Variants in ATRNL1 observed in about 807,000 individuals in gnomAD.
ATRNL1 encodes the protein attractin-like protein 1.
In ATRNL1, 95 loss-of-function variants were observed where a neutral mutation model predicts 182.7. That is an observed-to-expected ratio of 0.52 (90% CI 0.44 to 0.62). ATRNL1 has a LOEUF of 0.62. Ranked by LOEUF, ATRNL1 falls within the 20% of genes least tolerant of loss-of-function variation. ATRNL1 has a pLI of 0.00. For synonymous variants in ATRNL1, 576 were observed against 568.3 expected (o/e 1.01, Z -0.19); for missense variants, 1,471 against 1,679.5 (o/e 0.88, Z 2.17).
At chr10:115,227,582 A>T (rs1554898940) in intron 9 of ATRNL1, among the ~76,000 whole-genome samples, 1 of 152,188 alleles carries the variant, frequency 6.6e-6, no homozygotes, top group Non-Finnish European at 1.5e-5. Flanking sequence ...AAAGGGAAAT[A>T]AATAAATCAT....
chr10:115,211,046 TC>T (rs1848999872), intron 8 of ATRNL1, among the ~76,000 whole-genome samples: 1 of 145,202 alleles, frequency 6.9e-6, no homozygotes, highest in African/African-American at 2.4e-5. Context: ...TGTCCTGACT[TC>T]TTTTTTTTTT....
At chr10:115,408,430 TTTC>T (rs1554958939) in intron 20 of ATRNL1, among the ~76,000 whole-genome samples, 1 of 152,250 alleles carries the variant, frequency 6.6e-6, no homozygotes, top group African/African-American at 2.4e-5. Flanking sequence ...GATCGTTTGT[TTTC>T]TTGCTGTTGC....
At chr10:115,247,939 T>C (rs559706434) in intron 10 of ATRNL1, among the ~76,000 whole-genome samples, 3 of 152,320 alleles carry the variant, frequency 2.0e-5, no homozygotes, top group Admixed American at 2.0e-4. Flanking sequence ...AAACACTGTA[T>C]GTTTTCACTC....
At chr10:115,898,004 C>T (rs1952251873) in intron 28 of ATRNL1, among the ~76,000 whole-genome samples, 1 of 151,970 alleles carries the variant, frequency 6.6e-6, no homozygotes, top group Admixed American at 6.6e-5. Flanking sequence ...CAGCTCACTG[C>T]AACCTCCCGT....
At chr10:115,913,675 C>A (rs1364982686) in intron 28 of ATRNL1, among the ~76,000 whole-genome samples, 1 of 152,226 alleles carries the variant, frequency 6.6e-6, no homozygotes, top group Admixed American at 6.5e-5. Flanking sequence ...CCCAGCACTG[C>A]TCACATGTTC....
At chr10:115,674,971 TTAGTGA>T (rs1283972811) in intron 26 of ATRNL1, among the ~76,000 whole-genome samples, 1 of 152,120 alleles carries the variant, frequency 6.6e-6, no homozygotes, top group Non-Finnish European at 1.5e-5. Context: ...TCCTAAAACC[TTAGTGA>T]TAGTGTGTTC....
intron 19 of ATRNL1, among the ~76,000 whole-genome samples, chr10:115,361,761 G>A (rs1554944272): frequency 6.6e-6 from 1 of 151,960 alleles, no homozygotes; most frequent in African/African-American, 2.4e-5. Context: ...ACTGTAAAAT[G>A]TAAATTTTAT....
chr10:115,731,141 T>A (rs1190934623), intron 27 of ATRNL1, among the ~76,000 whole-genome samples: 1 of 152,082 alleles, frequency 6.6e-6, no homozygotes, highest in Non-Finnish European at 1.5e-5. Context: ...ACACCCAGGA[T>A]CCATACATTG....
chr10:115,766,237 C>T lies in ATRNL1; in HGVS notation c.3903+38882C>T, dbSNP rs369701335. 1.8e-4 allele frequency among the ~76,000 whole-genome samples: 28 copies of T among 152,254 alleles called. No homozygotes were observed. In the East Asian group the frequency reaches 4.0e-3, roughly 22 times the overall value. On this transcript the variant is annotated intron_variant, in intron 27 of 28. Coordinates refer to ENST00000355044, the MANE Select transcript of ATRNL1 (RefSeq NM_207303.4). ...AAATTGCTGGTTCAAAAGGGATAGG[C>T]ATTTGTAATTTTGACAGATATTGCC...
intron 5 of ATRNL1, among the ~76,000 whole-genome samples, chr10:115,146,983 A>G (rs1350711974): frequency 6.6e-6 from 1 of 152,000 alleles, no homozygotes; most frequent in East Asian, 1.9e-4. Flanking sequence ...CCTTTGGATA[A>G]ATACCCAGTA....
chr10:115,148,899 G>T (rs556632996), intron 5 of ATRNL1, among the ~76,000 whole-genome samples: 1 of 151,908 alleles, frequency 6.6e-6, no homozygotes, highest in African/African-American at 2.4e-5. Flanking sequence ...ACAGGTGTGC[G>T]CCACCACACC....
intron 10 of ATRNL1, among the ~76,000 whole-genome samples, chr10:115,246,310 C>T (rs373354113): frequency 6.6e-6 from 1 of 152,052 alleles, no homozygotes; most frequent in African/African-American, 2.4e-5. Context: ...TAACACTATA[C>T]ACCGTGATAT....
intron 9 of ATRNL1, among the ~76,000 whole-genome samples, chr10:115,229,865 CTGTA>C (rs759298676): frequency 5.4e-4 from 82 of 152,172 alleles, no homozygotes; most frequent in Non-Finnish European, 6.3e-4. Flanking sequence ...GGACAAAAGA[CTGTA>C]TGATAGTATG....
intron 5 of ATRNL1, among the ~76,000 whole-genome samples, chr10:115,140,765 T>C (rs1404950127): frequency 6.6e-6 from 1 of 152,194 alleles, no homozygotes; most frequent in African/African-American, 2.4e-5. Context: ...TGTTTTAAAC[T>C]CTTAAATTAT....
At chr10:115,123,754 C>G (rs1225216028) in intron 3 of ATRNL1, among the ~76,000 whole-genome samples, 1 of 152,152 alleles carries the variant, frequency 6.6e-6, no homozygotes, top group Non-Finnish European at 1.5e-5. Context: ...AAAGCTTCAT[C>G]TTTATTTACA....
chr10:115,182,380 T>C lies in ATRNL1; in HGVS notation c.1348+11088T>C, dbSNP rs538225849. Among the ~76,000 whole-genome samples the C allele has an allele frequency of 4.6e-5, 7 of 151,476 alleles. No individual in the cohort carries two copies. In the East Asian group the frequency reaches 1.2e-3, roughly 25 times the overall value. On this transcript the variant is annotated intron_variant, in intron 8 of 28. Transcript: ENST00000355044. ...ACAAAGGAAAACACTAACAAAGATATAAACGTTCTTACCTACCAAAAGAAA... is the reference window on the plus strand; with the variant it reads ...ACAAAGGAAAACACTAACAAAGATACAAACGTTCTTACCTACCAAAAGAAA...
chr10:115,526,543 A>G (rs1243638300), intron 25 of ATRNL1, among the ~76,000 whole-genome samples: 3 of 152,152 alleles, frequency 2.0e-5, no homozygotes, highest in African/African-American at 7.2e-5. Context: ...GCATTTTCTC[A>G]GGTCACCACT....
chr10:115,424,381 C>G (rs1845786314), intron 20 of ATRNL1, among the ~76,000 whole-genome samples: 1 of 152,048 alleles, frequency 6.6e-6, no homozygotes, highest in Non-Finnish European at 1.5e-5. Flanking sequence ...GGAAGTTTCT[C>G]CAAAAATTAA....
At chr10:115,302,479 A>G (rs1853521963) in intron 17 of ATRNL1, among the ~76,000 whole-genome samples, 2 of 152,198 alleles carry the variant, frequency 1.3e-5, no homozygotes, top group Admixed American at 6.5e-5. Context: ...GGATTTGTCT[A>G]ATTTTTCCCT....
Sources: allele counts gnomAD v4.1 joint callset (sites outside exome capture counted in the v4.1 genomes callset), GRCh38; gene constraint gnomAD v4.1.1; transcripts MANE v1.5; gene names NCBI Gene and HGNC (gene_info 2026-07-23, HGNC 2026-07-21).